KRT2: variants seen among roughly 807,000 people sequenced by gnomAD.
KRT2 encodes the protein keratin 2, also known as keratin, type II cytoskeletal 2 epidermal.
Under a neutral mutation model 48.5 loss-of-function variants are expected in KRT2, and 37 were observed. That is an observed-to-expected ratio of 0.76 (90% CI 0.59 to 1.00). KRT2 has a LOEUF of 1.00. KRT2 is among the 50% of genes least tolerant of loss of function. The pLI is 0.00. For missense variants in KRT2, 880 were observed against 815.2 expected, an observed-to-expected ratio of 1.08 and a Z score of -0.97; for synonymous variants, 324 against 312.2, an observed-to-expected ratio of 1.04 and a Z score of -0.40.
chr12:52,646,463 G>C (rs553762105), intron 7 of KRT2, among the ~76,000 whole-genome samples: 4 of 152,194 alleles, frequency 2.6e-5, no homozygotes, highest in Non-Finnish European at 4.4e-5. Context: ...GTTTTCCCAT[G>C]ATTTTGTTTT....
chr12:52,651,547 T>C lies in KRT2; in HGVS notation c.585+11A>G, dbSNP rs764244737. On this transcript the variant is annotated intron_variant, in intron 1 of 8. Transcript: ENST00000309680. ...CTGAGCATCAGTGGGAGCCGTCTTC[T>C]CCAGAGTCACCTTGTCAATGAAGGA... 1 of 1,600,498 alleles carries C rather than the reference T, an allele frequency of 6.2e-7. No homozygotes were observed. Among genetic ancestry groups the C allele is most frequent in the Non-Finnish European group, 8.6e-7 (1 of 1,167,672 alleles).
In KRT2 at chr12:52,650,064, A is replaced by G. The variant is rs141091121; in HGVS notation, c.801-90T>C. 292 of 947,066 alleles carry G rather than the reference A, an allele frequency of 3.1e-4. No individual in the cohort carries two copies. The East Asian group carries it at 4.8e-3, about 16-fold the overall frequency. The allele number at this position is 947,066 out of a possible 1,614,324, so 58.7% of individuals were successfully genotyped here. A position where few individuals can be genotyped will look rare whatever the true frequency, so the allele number is the denominator to read the frequency against. ...ATACTGGATTCACCCCAAATGCCCC[A>G]TTCTCTGGGAATATTACACACTTTT... is the stretch of plus-strand genomic sequence containing the variant. On this transcript the variant is annotated intron_variant, in intron 2 of 8. Transcript: ENST00000309680.
Position 52,649,932 on chromosome 12 carries a change from A to G in KRT2, c.843T>C (p.Asp281=). 1.9e-6 allele frequency: 3 copies of G among 1,613,858 alleles called. No homozygotes were observed. The highest frequency in any genetic ancestry group is 2.5e-6 in the Non-Finnish European group (3 of 1,179,740). ...CGCTCACCTTTTTAAGCGTCACAAA[A>G]TCATTCTCAGCAGCTGTGCGCTTAT... The part of the protein sequence containing the change: ...EINKRTAAEN[D]FVTLKKDVDN... Residue 281 remains aspartate (D), a synonymous_variant, in exon 3 of 9, where the codon GAT becomes GAC. Coordinates refer to ENST00000309680, the MANE Select transcript of KRT2 (RefSeq NM_000423.3).
chr12:52,644,690 G>T lies in KRT2; in HGVS notation c.*329C>A. On this transcript the variant is annotated 3_prime_UTR_variant, in exon 9 of 9. Coordinates refer to ENST00000309680, the MANE Select transcript of KRT2 (RefSeq NM_000423.3). ...GCCAGGCTTAGAGATGAAATCCCTGGATGGGCCTGGGTCCTCAACAGAATA... is the reference window on the plus strand; with the variant it reads ...GCCAGGCTTAGAGATGAAATCCCTGTATGGGCCTGGGTCCTCAACAGAATA... 2.6e-6 allele frequency: 1 copy of T among 380,666 alleles called. No individual in the cohort carries two copies. Among genetic ancestry groups the T allele is most frequent in the South Asian group, 2.8e-5 (1 of 35,658 alleles). The allele number at this position is 380,666 out of a possible 1,614,324, so 23.6% of individuals were successfully genotyped here.
intron 3 of KRT2, among the ~76,000 whole-genome samples, chr12:52,649,402 C>T (rs371140593): frequency 6.6e-6 from 1 of 152,180 alleles, no homozygotes; most frequent in Non-Finnish European, 1.5e-5. Context: ...CAACAGGATA[C>T]GATGTTCTTT....
Position 52,651,995 on chromosome 12 carries a change from C to T in KRT2, c.148G>A (p.Gly50Ser), listed in dbSNP as rs766363551. 1 of 1,611,622 alleles carries T rather than the reference C, an allele frequency of 6.2e-7. No individual in the cohort carries two copies. The highest frequency in any genetic ancestry group is 1.1e-5 in the South Asian group (1 of 91,052). ...FSCLSRHGGG[G>S]GGFGGGGFGS... ...AAGCCGCCTCCACCGAAGCCCCCGC[C>T]ACCACCACCATGGCGGCTCAAGCAG... Residue 50 changes from glycine (G) to serine (S), a missense_variant, in exon 1 of 9, where the codon GGC becomes AGC. Physicochemically the swap from Gly to Ser is moderately conservative, Grantham distance 56. Transcript: ENST00000309680.
intron 6 of KRT2, 125 bp downstream of exon 6, chr12:52,647,605 G>A (rs997712844): frequency 3.1e-5 from 35 of 1,134,716 alleles, no homozygotes; most frequent in African/African-American, 1.8e-4. Context: ...ATTTGGGATC[G>A]ATACATGCTA....
At position 52,646,917 on chromosome 12, in the gene KRT2, C is replaced by G; in HGVS notation, c.1292G>C (p.Gly431Ala). ...CCTGGCATCCTTGAGGGCATGCTCC[C>G]CACGCTGCTCGGCATCTGCGATGGC... Reference protein sequence around the residue: ...QDAIADAEQRGEHALKDARNK... With the variant: ...QDAIADAEQRAEHALKDARNK... Residue 431 changes from glycine to alanine, a missense_variant, in exon 7 of 9, where the codon GGG (glycine) becomes GCG (alanine). Physicochemically the swap from Gly to Ala is moderately conservative, Grantham distance 60. Transcript: ENST00000309680. 6.2e-7 allele frequency: 1 copy of G among 1,614,188 alleles called. No individual in the cohort carries two copies. The highest frequency in any genetic ancestry group is 2.2e-5 in the East Asian group (1 of 44,872).
rs200226673 is a variant in KRT2 at position 52,651,992 on chromosome 12, C to T, written c.151G>A (p.Gly51Arg). ...CCAAAGCCGCCTCCACCGAAGCCCC[C>T]GCCACCACCACCATGGCGGCTCAAG... ...SCLSRHGGGG[G>R]GFGGGGFGSR... is the part of the protein sequence containing the mutation. The change falls in exon 1 of 9, where the codon GGG (glycine) becomes AGG (arginine). Residue 51 changes from glycine (G) to arginine (R), a missense_variant. Coordinates refer to ENST00000309680, the MANE Select transcript of KRT2 (RefSeq NM_000423.3). 52 of 1,576,340 alleles carry T rather than the reference C, an allele frequency of 3.3e-5. No homozygotes were observed. The highest frequency in any genetic ancestry group is 4.1e-5 in the Non-Finnish European group (47 of 1,151,644).
intron 1 of KRT2, among the ~76,000 whole-genome samples, 174 bp downstream of exon 1, chr12:52,651,384 G>A (rs757144866): frequency 6.6e-6 from 1 of 152,170 alleles, no homozygotes; most frequent in Non-Finnish European, 1.5e-5. Flanking sequence ...GGCTGTTATG[G>A]GAAATGTAAC....
rs780859540 is a variant in KRT2 at position 52,646,739 on chromosome 12, C to T, written c.1469+1G>A. On this transcript the variant is annotated splice_donor_variant, in intron 7 of 8. Transcript: ENST00000309680. LOFTEE classifies it high-confidence loss of function. ...CCCTTCTCCCTTCCCAGTGCCCTCA[C>T]CTGCACTCCTCGCCCTCCAGCAGTT... The T allele has an allele frequency of 5.0e-6, 8 of 1,613,940 alleles. No individual in the cohort carries two copies. The highest frequency in any genetic ancestry group is 5.1e-6 in the Non-Finnish European group (6 of 1,179,936).
intron 7 of KRT2, among the ~76,000 whole-genome samples, chr12:52,646,508 G>A (rs1941163539): frequency 6.6e-6 from 1 of 152,224 alleles, no homozygotes; most frequent in South Asian, 2.1e-4. Flanking sequence ...TTAACTTACT[G>A]CTTAGTTTAA....
At position 52,652,080 on chromosome 12, in the gene KRT2, G is replaced by C; in HGVS notation, c.63C>G (p.Gly21=). Residue 21 remains glycine (G), a synonymous_variant, in exon 1 of 9, where the codon GGC becomes GGG. Coordinates refer to ENST00000309680, the MANE Select transcript of KRT2 (RefSeq NM_000423.3). ...GRGGGGGGFR[G]FSSGSAVVSG... ...ACACCACAGCTGAGCCGCTGCTGAAGCCCCGGAATCCTCCTCCACCTCCTC... is the reference window on the plus strand; with the variant it reads ...ACACCACAGCTGAGCCGCTGCTGAACCCCCGGAATCCTCCTCCACCTCCTC... 6.3e-7 allele frequency: 1 copy of C among 1,597,940 alleles called. No individual in the cohort carries two copies. Among genetic ancestry groups the C allele is most frequent in the Non-Finnish European group, 8.5e-7 (1 of 1,178,162 alleles).
chr12:52,647,925 T>G, intron 5 of KRT2, 70 bp from the exon 6 acceptor site: 1 of 1,596,408 alleles, frequency 6.3e-7, no homozygotes, highest in Non-Finnish European at 8.6e-7. Context: ...CTGACTGGAG[T>G]GAAGGAGAGC....
chr12:52,650,156 A>T (rs143518357), intron 2 of KRT2, among the ~76,000 whole-genome samples, 182 bp from the exon 3 acceptor site: 1 of 152,232 alleles, frequency 6.6e-6, no homozygotes, highest in Non-Finnish European at 1.5e-5. Context: ...ACTCTCAAAC[A>T]TACAAAAGAC....
chr12:52,651,500 T>G, intron 1 of KRT2, 58 bp downstream of exon 1: 1 of 1,284,276 alleles, frequency 7.8e-7, no homozygotes, highest in Non-Finnish European at 1.1e-6. Flanking sequence ...TTCTTTTTGG[T>G]TGGCTCTGGA....
At position 52,652,011 on chromosome 12, in the gene KRT2, G is replaced by C. The variant is rs372684240; in HGVS notation, c.132C>G (p.Ser44Arg). ...RRSTSSFSCL[S>R]RHGGGGGGFG... is the part of the protein sequence containing the mutation. ...AGCCCCCGCCACCACCACCATGGCGGCTCAAGCAGGAGAAGCTGGAAGTTG... is the reference window on the plus strand; with the variant it reads ...AGCCCCCGCCACCACCACCATGGCGCCTCAAGCAGGAGAAGCTGGAAGTTG... The change falls in exon 1 of 9, where the codon AGC (serine) becomes AGG (arginine). Residue 44 changes from serine to arginine, a missense_variant. Ser to Arg is a moderately radical substitution (Grantham distance 110, BLOSUM62 -1). Transcript: ENST00000309680. 1.9e-6 allele frequency: 3 copies of C among 1,610,604 alleles called. No homozygotes were observed. The highest frequency in any genetic ancestry group is 2.5e-6 in the Non-Finnish European group (3 of 1,179,914).
At chr12:52,648,912 A>G in intron 4 of KRT2, 95 bp downstream of exon 4, 1 of 834,348 alleles carries the variant, frequency 1.2e-6, no homozygotes, top group Non-Finnish European at 2.1e-6. Context: ...CTGGTCCATA[A>G]ACCCCACTTC....
In KRT2 at chr12:52,652,002, A is replaced by T; in HGVS notation, c.141T>A (p.Gly47=). ...TSSFSCLSRH[G]GGGGGFGGGG... ...CTCCACCGAAGCCCCCGCCACCACCACCATGGCGGCTCAAGCAGGAGAAGC... is the reference window on the plus strand; with the variant it reads ...CTCCACCGAAGCCCCCGCCACCACCTCCATGGCGGCTCAAGCAGGAGAAGC... Residue 47 remains glycine (G), a synonymous_variant, in exon 1 of 9, where the codon GGT becomes GGA. Transcript: ENST00000309680. 2 of 1,611,626 alleles carry T rather than the reference A, an allele frequency of 1.2e-6. No individual in the cohort carries two copies. The highest frequency in any genetic ancestry group is 1.7e-6 in the Non-Finnish European group (2 of 1,179,848).
Sources: allele counts gnomAD v4.1 joint callset (sites outside exome capture counted in the v4.1 genomes callset), GRCh38; gene constraint gnomAD v4.1.1; transcripts MANE v1.5; gene names NCBI Gene and HGNC (gene_info 2026-07-23, HGNC 2026-07-21).